The following EPHA6 variants were observed in gnomAD, a reference collection of about 807,000 sequenced individuals.
The protein encoded by EPHA6 is ephrin type-A receptor 6.
EPHA6 carries 50 observed loss-of-function variants against 112.0 expected under a neutral mutation model. The ratio of observed to expected loss-of-function variants is 0.45; its 90% CI spans 0.36 to 0.56. The LOEUF (loss-of-function observed/expected upper bound fraction) is 0.56, where lower values mean the gene tolerates loss of function less well. Among genes scored for constraint, EPHA6 ranks in the 20% least tolerant of loss-of-function variants. The pLI, the probability that EPHA6 is intolerant of heterozygous loss-of-function variation, is 0.00. For synonymous variants in EPHA6, 529 were observed against 490.7 expected, an observed-to-expected ratio of 1.08 and a Z score of -1.03; for missense variants, 1,280 against 1,417.4, an observed-to-expected ratio of 0.90 and a Z score of 1.56.
chr3:96,846,702 A>C (rs939003561), intron 1 of EPHA6, among the ~76,000 whole-genome samples: 1 of 152,026 alleles, frequency 6.6e-6, no homozygotes, highest in African/African-American at 2.4e-5. Flanking sequence ...ACTTAGAATA[A>C]ACTAAGAGAG....
chr3:97,590,005 C>A (rs1225634901), intron 11 of EPHA6, among the ~76,000 whole-genome samples: 1 of 152,100 alleles, frequency 6.6e-6, no homozygotes, highest in Non-Finnish European at 1.5e-5. Context: ...AAACTTAACA[C>A]CTAGTGGATG....
intron 3 of EPHA6, among the ~76,000 whole-genome samples, chr3:97,208,762 AT>A (rs112556078): frequency 0.011 from 1,614 of 151,322 alleles, 18 homozygotes; most frequent in African/African-American, 0.037. Context: ...AAAAAAAAAA[AT>A]GGAAGGCTAC....
At chr3:97,686,518 C>T (rs1165012088) in intron 14 of EPHA6, among the ~76,000 whole-genome samples, 2 of 152,186 alleles carry the variant, frequency 1.3e-5, no homozygotes, top group Non-Finnish European at 2.9e-5. Context: ...TTGTGAAATT[C>T]AAACTCTACA....
intron 7 of EPHA6, among the ~76,000 whole-genome samples, chr3:97,462,107 T>C (rs536420710): frequency 9.5e-4 from 144 of 152,330 alleles, no homozygotes; most frequent in African/African-American, 3.3e-3. Flanking sequence ...AAATTCTGGT[T>C]CTGTCCTTTC....
intron 3 of EPHA6, among the ~76,000 whole-genome samples, chr3:97,220,215 A>T (rs1399393352): frequency 6.6e-6 from 1 of 152,154 alleles, no homozygotes; most frequent in Admixed American, 6.5e-5. Flanking sequence ...AAACTTTCCC[A>T]CATCTTCCTG....
chr3:97,477,349 A>C (rs1027962550), intron 8 of EPHA6, among the ~76,000 whole-genome samples: 1 of 152,008 alleles, frequency 6.6e-6, no homozygotes, highest in African/African-American at 2.4e-5. Flanking sequence ...GAGAAAGATT[A>C]AAATTATTCC....
At chr3:97,534,001 T>C (rs2092726816) in intron 11 of EPHA6, among the ~76,000 whole-genome samples, 1 of 152,156 alleles carries the variant, frequency 6.6e-6, no homozygotes, top group Non-Finnish European at 1.5e-5. Context: ...TAAATGGTTG[T>C]TGTTTTAAGC....
At chr3:97,400,666 T>G (rs1388364990) in intron 5 of EPHA6, among the ~76,000 whole-genome samples, 2 of 151,748 alleles carry the variant, frequency 1.3e-5, no homozygotes, top group East Asian at 3.9e-4. Flanking sequence ...TTCCTAGATA[T>G]GATATTTATT....
At chr3:97,508,122 C>T (rs2092292520) in intron 10 of EPHA6, among the ~76,000 whole-genome samples, 1 of 152,024 alleles carries the variant, frequency 6.6e-6, no homozygotes, top group Admixed American at 6.6e-5. Flanking sequence ...CCCCTGGATT[C>T]ATTGATTTTT....
At chr3:97,717,843 C>G (rs1035807053) in intron 14 of EPHA6, among the ~76,000 whole-genome samples, 20 of 152,070 alleles carry the variant, frequency 1.3e-4, no homozygotes, top group Admixed American at 2.0e-4. Context: ...TATGTGATAT[C>G]AAATTATTCA....
At chr3:97,177,713 T>A (rs1043553826) in intron 3 of EPHA6, among the ~76,000 whole-genome samples, 5 of 152,054 alleles carry the variant, frequency 3.3e-5, no homozygotes, top group Non-Finnish European at 7.4e-5. Flanking sequence ...GGACTCTGTC[T>A]CTTCTTATAG....
intron 3 of EPHA6, among the ~76,000 whole-genome samples, chr3:97,149,379 TTAA>T (rs1241741957): frequency 3.3e-5 from 5 of 152,256 alleles, no homozygotes; most frequent in Non-Finnish European, 5.9e-5. Flanking sequence ...TAAGCATTTA[TTAA>T]TAATAATGAC....
chr3:97,134,921 C>A (rs972369161), intron 3 of EPHA6, among the ~76,000 whole-genome samples: 1 of 152,086 alleles, frequency 6.6e-6, no homozygotes, highest in Non-Finnish European at 1.5e-5. Context: ...TCAATCTTCC[C>A]TGGTTGATGA....
At chr3:97,488,596 T>C (rs536250017) in intron 10 of EPHA6, among the ~76,000 whole-genome samples, 179 of 152,344 alleles carry the variant, frequency 1.2e-3, no homozygotes, top group African/African-American at 4.0e-3. Context: ...ACTTGTGTTA[T>C]ATATTCTTGT....
At chr3:97,029,792 TAAAG>T (rs2044761881) in intron 3 of EPHA6, among the ~76,000 whole-genome samples, 1 of 151,972 alleles carries the variant, frequency 6.6e-6, no homozygotes, top group African/African-American at 2.4e-5. Context: ...TTGAAGTAAA[TAAAG>T]AAAATATGAA....
chr3:97,192,290 G>C (rs2108481102), intron 3 of EPHA6, among the ~76,000 whole-genome samples: 1 of 152,072 alleles, frequency 6.6e-6, no homozygotes, highest in South Asian at 2.1e-4. Flanking sequence ...GCACAGTCAT[G>C]ACACAGGGCT....
chr3:97,592,253 C>T (rs1005344839), intron 11 of EPHA6, among the ~76,000 whole-genome samples: 6 of 152,166 alleles, frequency 3.9e-5, no homozygotes, highest in African/African-American at 1.4e-4. Context: ...CTATTTTCTG[C>T]ATGCCTGTAA....
intron 11 of EPHA6, among the ~76,000 whole-genome samples, chr3:97,592,330 T>C (rs2093552659): frequency 6.6e-6 from 1 of 152,216 alleles, no homozygotes; most frequent in Admixed American, 6.5e-5. Flanking sequence ...ATTTTATTAT[T>C]CCATGCACAG....
At chr3:97,331,646 C>G (rs2082803968) in intron 5 of EPHA6, among the ~76,000 whole-genome samples, 1 of 152,038 alleles carries the variant, frequency 6.6e-6, no homozygotes, top group Admixed American at 6.6e-5. Flanking sequence ...AGAATCTAGA[C>G]AAAATGGATA....
Sources: gnomAD v4.1 joint callset for allele counts (sites outside exome capture counted in the v4.1 genomes callset) on GRCh38, gnomAD v4.1.1 for gene constraint, MANE v1.5 for transcripts, NCBI Gene and HGNC (gene_info 2026-07-23, HGNC 2026-07-21) for gene names.